Variants in USH2A observed in about 807,000 individuals in gnomAD.
USH2A encodes Usher syndrome 2A (autosomal recessive, mild).
Under a neutral mutation model 538.9 loss-of-function variants are expected in USH2A, and 443 were observed. The ratio of observed to expected loss-of-function variants is 0.82; its 90% CI spans 0.76 to 0.89. USH2A has a LOEUF of 0.89. USH2A is among the 40% of genes least tolerant of loss of function. The pLI is 0.00. For synonymous variants in USH2A, 2,413 were observed against 2,273.5 expected (o/e 1.06, Z -1.75); for missense variants, 6,633 against 6,324.8 (o/e 1.05, Z -1.65).
At chr1:215,952,656 T>C (rs1192603253) in intron 37 of USH2A, among the ~76,000 whole-genome samples, 1 of 152,184 alleles carries the variant, frequency 6.6e-6, no homozygotes, top group Non-Finnish European at 1.5e-5. Context: ...TTTGGCTGGA[T>C]ATGAAATTCT....
chr1:216,140,849 T>A (rs772301426), intron 21 of USH2A, among the ~76,000 whole-genome samples: 2 of 152,134 alleles, frequency 1.3e-5, no homozygotes, highest in Non-Finnish European at 2.9e-5. Context: ...CAGCCCTGGG[T>A]GGACCCAAAG....
At chr1:216,264,360 CA>C (rs1219887038) in intron 11 of USH2A, among the ~76,000 whole-genome samples, 4 of 151,792 alleles carry the variant, frequency 2.6e-5, no homozygotes, top group Non-Finnish European at 4.4e-5. Context: ...TGCAATGGCA[CA>C]GTCTTGGCTC....
intron 21 of USH2A, 184 bp downstream of exon 21, chr1:216,175,068 A>G: frequency 7.0e-7 from 1 of 1,435,820 alleles, no homozygotes; most frequent in East Asian, 2.6e-5. Flanking sequence ...CACTTACCTG[A>G]CTTTTTTCCC....
intron 38 of USH2A, 183 bp from the exon 39 acceptor site, chr1:215,901,088 C>T: frequency 1.3e-6 from 1 of 745,150 alleles, no homozygotes; most frequent in Non-Finnish European, 2.2e-6. Flanking sequence ...TTCATTTCAA[C>T]ACAATTACAT....
rs2037762919 is a variant in USH2A, at chr1:216,327,671, G to A, written c.785-17C>T. On this transcript the variant is annotated splice_polypyrimidine_tract_variant and intron_variant, in intron 4 of 71. Coordinates refer to ENST00000307340, the MANE Select transcript of USH2A (RefSeq NM_206933.4). Reference sequence around the variant, plus strand: ...GCTCTAAACCTGCAAATACACACATGTGCATAATATAAGAAGTCTCTGTTT... The same window carrying A: ...GCTCTAAACCTGCAAATACACACATATGCATAATATAAGAAGTCTCTGTTT... 1.9e-6 allele frequency: 3 copies of A among 1,612,336 alleles called. No homozygotes were observed. The highest frequency in any genetic ancestry group is 1.7e-4 in the Middle Eastern group (1 of 6,048).
intron 9 of USH2A, among the ~76,000 whole-genome samples, chr1:216,302,201 G>A (rs1030493150): frequency 5.9e-5 from 9 of 152,230 alleles, no homozygotes; most frequent in African/African-American, 1.4e-4. Flanking sequence ...AAATGGCTCT[G>A]TGCTTTGCAC....
intron 44 of USH2A, among the ~76,000 whole-genome samples, chr1:215,847,638 A>T (rs1663898406): frequency 6.6e-6 from 1 of 151,278 alleles, no homozygotes; most frequent in Non-Finnish European, 1.5e-5. Flanking sequence ...GAATGAGACC[A>T]TGTCTCAGGA....
chr1:216,141,404 A>T (rs2033600818), intron 21 of USH2A, among the ~76,000 whole-genome samples: 1 of 152,158 alleles, frequency 6.6e-6, no homozygotes, highest in African/African-American at 2.4e-5. Context: ...AGAGGCTGAC[A>T]TTTTCCGTAA....
chr1:215,877,013 A>G (rs1010415387), intron 43 of USH2A, among the ~76,000 whole-genome samples: 3 of 152,220 alleles, frequency 2.0e-5, no homozygotes, highest in Non-Finnish European at 4.4e-5. Context: ...TTTTCATAAA[A>G]TAACGTTCAT....
At chr1:215,641,845 A>G (rs563533961) in intron 67 of USH2A, among the ~76,000 whole-genome samples, 1 of 152,370 alleles carries the variant, frequency 6.6e-6, no homozygotes, top group South Asian at 2.1e-4. Context: ...ATCTTTCAAA[A>G]TAAGATATTT....
At chr1:215,820,550 T>A (rs1662984285) in intron 47 of USH2A, among the ~76,000 whole-genome samples, 2 of 151,784 alleles carry the variant, frequency 1.3e-5, no homozygotes, top group South Asian at 4.1e-4. Context: ...AACTGGCATA[T>A]CCATCACCTT....
chr1:215,785,635 T>C (rs1392210770), intron 52 of USH2A, among the ~76,000 whole-genome samples: 1 of 152,192 alleles, frequency 6.6e-6, no homozygotes, highest in Non-Finnish European at 1.5e-5. Flanking sequence ...TGTGCACATG[T>C]ACCCTAGAAC....
At chr1:215,970,014 T>C (rs1667452515) in intron 36 of USH2A, among the ~76,000 whole-genome samples, 1 of 152,126 alleles carries the variant, frequency 6.6e-6, no homozygotes, top group South Asian at 2.1e-4. Context: ...AAAAATTATA[T>C]TAGGAATAGA....
chr1:215,986,491 C>A (rs1667878100), intron 35 of USH2A, among the ~76,000 whole-genome samples: 1 of 151,942 alleles, frequency 6.6e-6, no homozygotes, highest in Admixed American at 6.6e-5. Flanking sequence ...TTAACAAATC[C>A]TGACCACAGT....
intron 43 of USH2A, among the ~76,000 whole-genome samples, chr1:215,867,986 G>T (rs1270675692): frequency 6.6e-6 from 1 of 152,220 alleles, no homozygotes; most frequent in Non-Finnish European, 1.5e-5. Context: ...AACAGACACA[G>T]TCAGTCTATG....
chr1:216,363,971 T>C (rs915105410), intron 4 of USH2A, among the ~76,000 whole-genome samples: 1 of 151,498 alleles, frequency 6.6e-6, no homozygotes, highest in African/African-American at 2.4e-5. Context: ...TCTCTGAAGA[T>C]AGAAATATGG....
intron 37 of USH2A, among the ~76,000 whole-genome samples, chr1:215,944,678 G>T (rs1249975517): frequency 6.6e-6 from 1 of 152,118 alleles, no homozygotes; most frequent in Non-Finnish European, 1.5e-5. Context: ...GGCTTATACA[G>T]CTGCTATTCT....
chr1:216,401,272 A>G (rs2039299443), intron 3 of USH2A, among the ~76,000 whole-genome samples: 1 of 152,122 alleles, frequency 6.6e-6, no homozygotes, highest in African/African-American at 2.4e-5. Context: ...GAGCCACTAA[A>G]AACACTATAC....
At chr1:216,326,876 C>A (rs1351405925) in intron 5 of USH2A, among the ~76,000 whole-genome samples, 1 of 152,086 alleles carries the variant, frequency 6.6e-6, no homozygotes, top group African/African-American at 2.4e-5. Context: ...TAAATAAGAT[C>A]AACTCATCCA....
Sources: gnomAD v4.1 joint callset for allele counts (sites outside exome capture counted in the v4.1 genomes callset) on GRCh38, gnomAD v4.1.1 for gene constraint, MANE v1.5 for transcripts, NCBI Gene and HGNC (gene_info 2026-07-23, HGNC 2026-07-21) for gene names.